Variants in LRRTM4 observed in about 807,000 individuals in gnomAD.
The protein encoded by LRRTM4 is leucine-rich repeat transmembrane neuronal protein 4.
In LRRTM4, 25 loss-of-function variants were observed where a neutral mutation model predicts 47.6. That is an observed-to-expected ratio of 0.53 (90% CI 0.38 to 0.73). LRRTM4 has a LOEUF of 0.73. Ranked by LOEUF, LRRTM4 falls within the 30% of genes least tolerant of loss-of-function variation. LRRTM4 has a pLI of 0.00. For missense variants in LRRTM4, 638 were observed against 713.4 expected (o/e 0.89, Z 1.20); for synonymous variants, 311 against 269.5 (o/e 1.15, Z -1.51).
chr2:76,816,738 C>T (rs1379621597), intron 3 of LRRTM4, among the ~76,000 whole-genome samples: 1 of 150,018 alleles, frequency 6.7e-6, no homozygotes, highest in African/African-American at 2.4e-5. Flanking sequence ...CTCCTCGAGC[C>T]TACCTTGTTT....
chr2:76,839,058 T>C (rs1671597741), intron 3 of LRRTM4, among the ~76,000 whole-genome samples: 1 of 152,170 alleles, frequency 6.6e-6, no homozygotes, highest in African/African-American at 2.4e-5. Context: ...ACCTCTGTAA[T>C]GTAACTATTC....
At chr2:77,004,478 C>T (rs1327396261) in intron 3 of LRRTM4, among the ~76,000 whole-genome samples, 1 of 152,120 alleles carries the variant, frequency 6.6e-6, no homozygotes, top group Non-Finnish European at 1.5e-5. Context: ...GGTTTGTGAA[C>T]CTTTGCCTAG....
chr2:77,131,361 A>G (rs1572992313), intron 3 of LRRTM4, among the ~76,000 whole-genome samples: 1 of 152,294 alleles, frequency 6.6e-6, no homozygotes, highest in East Asian at 1.9e-4. Context: ...AGCTCTCCTG[A>G]AATTCCAAGT....
intron 3 of LRRTM4, among the ~76,000 whole-genome samples, chr2:76,785,824 T>C (rs1674640888): frequency 6.6e-6 from 1 of 152,134 alleles, no homozygotes; most frequent in Non-Finnish European, 1.5e-5. Context: ...GCTTTATTTA[T>C]AAAGATGGGT....
chr2:77,055,544 G>A (rs1679574387), intron 3 of LRRTM4, among the ~76,000 whole-genome samples: 1 of 152,152 alleles, frequency 6.6e-6, no homozygotes, highest in Non-Finnish European at 1.5e-5. Context: ...TAAACAACAG[G>A]TGCTGGAGAG....
At chr2:77,475,173 C>G (rs4852433) in intron 3 of LRRTM4, among the ~76,000 whole-genome samples, 2 of 151,978 alleles carry the variant, frequency 1.3e-5, no homozygotes, top group South Asian at 4.2e-4. Context: ...ACTAATATAC[C>G]AAGTGTGTTT....
At chr2:77,515,817 A>T (rs1337976788) in intron 3 of LRRTM4, among the ~76,000 whole-genome samples, 2 of 151,796 alleles carry the variant, frequency 1.3e-5, no homozygotes, top group Non-Finnish European at 1.5e-5. Flanking sequence ...TCTCAACAGG[A>T]GAAATTTTAC....
At chr2:77,350,186 C>T (rs1187520441) in intron 3 of LRRTM4, among the ~76,000 whole-genome samples, 2 of 149,758 alleles carry the variant, frequency 1.3e-5, no homozygotes, top group African/African-American at 2.4e-5. Context: ...ATTAGCCGGG[C>T]GCGGTGGCGG....
intron 3 of LRRTM4, among the ~76,000 whole-genome samples, chr2:77,255,841 A>T (rs1675750669): frequency 6.6e-6 from 1 of 152,116 alleles, no homozygotes; most frequent in African/African-American, 2.4e-5. Context: ...TCAGCAATCT[A>T]AATTCCCACA....
Position 77,124,471 on chromosome 2 carries a change from C to T in LRRTM4, c.1552-375555G>A, listed in dbSNP as rs577207321. ...TTGTAAATTTTGGCACAGAGCAGCA[C>T]GAGTTCAGAAGTTTTAAAGAAAACT... On this transcript the variant is annotated intron_variant, in intron 3 of 3. Coordinates refer to ENST00000409884, the MANE Select transcript of LRRTM4 (RefSeq NM_001134745.3). Among the ~76,000 whole-genome samples, 7 of 152,110 alleles carry T rather than the reference C, an allele frequency of 4.6e-5. 1 individual carries two copies. In the South Asian group the frequency reaches 6.2e-4, roughly 14 times the overall value.
chr2:76,840,991 C>T (rs1284164367), intron 3 of LRRTM4, among the ~76,000 whole-genome samples: 1 of 151,266 alleles, frequency 6.6e-6, no homozygotes, highest in Non-Finnish European at 1.5e-5. Flanking sequence ...TTTATTGTGG[C>T]ACTACTCACA....
At chr2:76,797,958 T>A (rs1012787280) in intron 3 of LRRTM4, among the ~76,000 whole-genome samples, 2 of 149,590 alleles carry the variant, frequency 1.3e-5, no homozygotes, top group African/African-American at 5.0e-5. Context: ...GCATCCAGAT[T>A]CATAAAGCAA....
intron 3 of LRRTM4, among the ~76,000 whole-genome samples, chr2:77,075,446 T>C (rs1051745981): frequency 1.3e-5 from 2 of 152,184 alleles, no homozygotes; most frequent in African/African-American, 4.8e-5. Flanking sequence ...AGTTTGTGTC[T>C]TGTTTCACAG....
At chr2:77,165,866 CA>C (rs1672869538) in intron 3 of LRRTM4, among the ~76,000 whole-genome samples, 1 of 152,122 alleles carries the variant, frequency 6.6e-6, no homozygotes, top group Non-Finnish European at 1.5e-5. Flanking sequence ...ACTGAATGGG[CA>C]AAAACTGGAA....
At chr2:76,840,306 A>G (rs1671633991) in intron 3 of LRRTM4, among the ~76,000 whole-genome samples, 1 of 152,228 alleles carries the variant, frequency 6.6e-6, no homozygotes, top group Admixed American at 6.5e-5. Context: ...TATCTCCACA[A>G]TTGTTTGGGT....
intron 3 of LRRTM4, among the ~76,000 whole-genome samples, chr2:77,114,831 C>G (rs1387479182): frequency 6.6e-6 from 1 of 152,054 alleles, no homozygotes; most frequent in African/African-American, 2.4e-5. Context: ...TCACAAAGAT[C>G]ACGTGCTCCA....
chr2:77,373,243 CTT>C (rs1340390265), intron 3 of LRRTM4, among the ~76,000 whole-genome samples: 1 of 150,644 alleles, frequency 6.6e-6, no homozygotes, highest in African/African-American at 2.4e-5. Flanking sequence ...TTTTTGAAGA[CTT>C]TTTATAAACT....
At chr2:77,182,223 A>G (rs531298848) in intron 3 of LRRTM4, among the ~76,000 whole-genome samples, 47 of 152,340 alleles carry the variant, frequency 3.1e-4, no homozygotes, top group African/African-American at 1.1e-3. Flanking sequence ...TATATACACC[A>G]TGGAATACTA....
At chr2:77,098,903 A>G (rs1670877915) in intron 3 of LRRTM4, among the ~76,000 whole-genome samples, 1 of 152,060 alleles carries the variant, frequency 6.6e-6, no homozygotes, top group Non-Finnish European at 1.5e-5. Flanking sequence ...TAATAGAGAA[A>G]TTAACATTAA....
Sources: gnomAD v4.1 joint callset for allele counts (sites outside exome capture counted in the v4.1 genomes callset) on GRCh38, gnomAD v4.1.1 for gene constraint, MANE v1.5 for transcripts, NCBI Gene and HGNC (gene_info 2026-07-23, HGNC 2026-07-21) for gene names.